ANKFN1: variants seen among roughly 807,000 people sequenced by gnomAD.
ANKFN1 encodes ankyrin repeat and fibronectin type III domain containing 1, also known as ankyrin repeat and fibronectin type-III domain-containing protein 1.
Under a neutral mutation model 108.7 loss-of-function variants are expected in ANKFN1, and 74 were observed. The observed-to-expected ratio is 0.68, with a 90% CI of 0.56 to 0.83. The LOEUF (loss-of-function observed/expected upper bound fraction) is 0.83, where lower values mean the gene tolerates loss of function less well. Ranked by LOEUF, ANKFN1 falls within the 40% of genes least tolerant of loss-of-function variation. The probability of loss-of-function intolerance (pLI) is 0.00; values close to 1 mark genes in which losing one functional copy is unlikely to be tolerated. For missense variants in ANKFN1, 1,505 were observed against 1,382.3 expected (o/e 1.09, Z -1.41); for synonymous variants, 547 against 516.2 (o/e 1.06, Z -0.81).
intron 17 of ANKFN1, 66 bp from the exon 18 acceptor site, chr17:56,482,290 G>T: frequency 7.4e-7 from 1 of 1,360,534 alleles, no homozygotes; most frequent in South Asian, 1.7e-5. Flanking sequence ...ATGCCAGTTT[G>T]GTGTTGTTTA....
intron 1 of ANKFN1, among the ~76,000 whole-genome samples, chr17:56,209,376 A>G (rs1914787891): frequency 6.6e-6 from 1 of 152,224 alleles, no homozygotes; most frequent in African/African-American, 2.4e-5. Flanking sequence ...AGAAAACTAC[A>G]GATCAATATC....
chr17:56,108,201 A>G lies in ANKFN1; in HGVS notation c.288+61876A>G, dbSNP rs943780972. The stretch of plus-strand genomic sequence containing the variant: ...CAGGTGCACACCACCATGCCCGGCT[A>G]ATTTTTGTATTTTTAGTAGAGACGG... On this transcript the variant is annotated intron_variant, in intron 4 of 12. Coordinates refer to the ANKFN1 transcript ENST00000635860. Among the ~76,000 whole-genome samples, 3 of 152,006 alleles carry G rather than the reference A, an allele frequency of 2.0e-5. No homozygotes were observed. In the South Asian group the frequency reaches 6.2e-4, roughly 32 times the overall value.
At chr17:56,453,377 T>C (rs888469162) in intron 11 of ANKFN1, among the ~76,000 whole-genome samples, 5 of 152,218 alleles carry the variant, frequency 3.3e-5, no homozygotes, top group Non-Finnish European at 7.4e-5. Flanking sequence ...TTAATAATCA[T>C]TTATTGTGCA....
chr17:56,468,742 A>G (rs1234277640), intron 15 of ANKFN1, among the ~76,000 whole-genome samples: 2 of 152,194 alleles, frequency 1.3e-5, no homozygotes, highest in African/African-American at 2.4e-5. Context: ...CAATGAAGCA[A>G]AGGTAAGCTA....
intron 3 of ANKFN1, among the ~76,000 whole-genome samples, chr17:56,274,321 A>C (rs901768380): frequency 3.9e-5 from 6 of 152,086 alleles, no homozygotes; most frequent in African/African-American, 1.4e-4. Context: ...AAAATACAAA[A>C]AATTAGCTGG....
intron 19 of ANKFN1, among the ~76,000 whole-genome samples, chr17:56,497,603 A>G (rs892817615): frequency 1.3e-5 from 2 of 152,214 alleles, no homozygotes; most frequent in Non-Finnish European, 2.9e-5. Context: ...AAAATAAAAT[A>G]TAACACTGGG....
chr17:56,056,736 G>A (rs1223216056), intron 4 of ANKFN1, among the ~76,000 whole-genome samples: 1 of 152,158 alleles, frequency 6.6e-6, no homozygotes, highest in East Asian at 1.9e-4. Context: ...AGAAAACTAG[G>A]AAAAACTCTT....
chr17:56,465,320 T>C (rs1268997422), intron 14 of ANKFN1, among the ~76,000 whole-genome samples: 3 of 152,238 alleles, frequency 2.0e-5, no homozygotes, highest in Admixed American at 1.3e-4. Context: ...ATTTGTCCTA[T>C]GTCTGGTCTT....
At chr17:56,124,881 G>A (rs925965814) in intron 4 of ANKFN1, among the ~76,000 whole-genome samples, 19 of 152,256 alleles carry the variant, frequency 1.2e-4, no homozygotes, top group Middle Eastern at 3.4e-3. Flanking sequence ...TGGTCTCCGT[G>A]TGACCTCCTG....
At chr17:56,068,511 A>G (rs1905086247) in intron 4 of ANKFN1, among the ~76,000 whole-genome samples, 1 of 152,148 alleles carries the variant, frequency 6.6e-6, no homozygotes, top group Admixed American at 6.5e-5. Context: ...TGACTGAGCT[A>G]TCTGAAAGGC....
chr17:56,372,573 T>G, intron 6 of ANKFN1, 73 bp from the exon 7 acceptor site: 1 of 1,295,674 alleles, frequency 7.7e-7, no homozygotes, highest in Non-Finnish European at 1.1e-6. Context: ...TAGTAAACTC[T>G]GGGATATATC....
At chr17:56,484,723 G>T (rs1218937342) in intron 18 of ANKFN1, among the ~76,000 whole-genome samples, 2 of 152,062 alleles carry the variant, frequency 1.3e-5, no homozygotes, top group Non-Finnish European at 2.9e-5. Flanking sequence ...GATTTCCCAG[G>T]GATATATAAT....
At chr17:56,237,350 A>G (rs542731774) in intron 3 of ANKFN1, among the ~76,000 whole-genome samples, 63 of 152,156 alleles carry the variant, frequency 4.1e-4, no homozygotes, top group African/African-American at 1.4e-3. Context: ...AGCTCTAAAC[A>G]CCCACATCTT....
intron 1 of ANKFN1, among the ~76,000 whole-genome samples, chr17:56,155,468 A>G (rs1362860830): frequency 6.6e-6 from 1 of 152,184 alleles, no homozygotes; most frequent in African/African-American, 2.4e-5. Flanking sequence ...TTTATTCGAC[A>G]ATCAACAGGT....
At chr17:56,448,098 C>T (rs1295733524) in intron 10 of ANKFN1, among the ~76,000 whole-genome samples, 3 of 151,946 alleles carry the variant, frequency 2.0e-5, no homozygotes, top group Non-Finnish European at 4.4e-5. Context: ...GAATTTAAGC[C>T]CAAGATACAC....
At chr17:56,479,847 A>G (rs1374193102) in intron 16 of ANKFN1, among the ~76,000 whole-genome samples, 1 of 152,192 alleles carries the variant, frequency 6.6e-6, no homozygotes, top group East Asian at 1.9e-4. Flanking sequence ...CAGAGTTCGA[A>G]GGAGAATCTG....
At chr17:56,216,545 A>G (rs1476914) in intron 2 of ANKFN1, among the ~76,000 whole-genome samples, 19,659 of 152,206 alleles carry the variant, frequency 0.13, 1,750 homozygotes, top group African/African-American at 0.24. Context: ...TTTTATTCTA[A>G]CAGGGTTATT....
chr17:56,490,760 G>A (rs889868281), intron 18 of ANKFN1, among the ~76,000 whole-genome samples: 2 of 152,166 alleles, frequency 1.3e-5, no homozygotes, highest in African/African-American at 4.8e-5. Flanking sequence ...TGACACCACA[G>A]AGAAAAATCA....
chr17:56,420,873 A>G (rs2048385030), intron 8 of ANKFN1, among the ~76,000 whole-genome samples: 1 of 151,842 alleles, frequency 6.6e-6, no homozygotes, highest in Non-Finnish European at 1.5e-5. Context: ...GCGCCCGGCT[A>G]ATTTTTTTGT....
Sources: gnomAD v4.1 joint callset for allele counts (sites outside exome capture counted in the v4.1 genomes callset) on GRCh38, gnomAD v4.1.1 for gene constraint, MANE v1.5 for transcripts, NCBI Gene and HGNC (gene_info 2026-07-23, HGNC 2026-07-21) for gene names.